KLHL20: variants seen among roughly 807,000 people sequenced by gnomAD.
The protein encoded by KLHL20 is kelch like family member 20.
KLHL20 carries 29 observed loss-of-function variants against 69.5 expected under a neutral mutation model. The observed-to-expected ratio is 0.42, with a 90% confidence interval of 0.31 to 0.57. KLHL20 has a LOEUF of 0.57. KLHL20 is among the 20% of genes least tolerant of loss of function. The probability of loss-of-function intolerance (pLI) is 0.18; values close to 1 mark genes in which losing one functional copy is unlikely to be tolerated. For missense variants in KLHL20, 419 were observed against 776.0 expected (o/e 0.54, Z 5.47); for synonymous variants, 253 against 265.2 (o/e 0.95, Z 0.45).
intron 11 of KLHL20, among the ~76,000 whole-genome samples, chr1:173,784,568 A>C (rs1260822394): frequency 1.3e-5 from 2 of 152,226 alleles, no homozygotes; most frequent in Non-Finnish European, 2.9e-5. Flanking sequence ...TTACATATCC[A>C]AGACTTAAAA....
At chr1:173,750,724 T>G (rs1387052812) in intron 3 of KLHL20, among the ~76,000 whole-genome samples, 2 of 151,924 alleles carry the variant, frequency 1.3e-5, no homozygotes, top group Non-Finnish European at 2.9e-5. Flanking sequence ...TTAGCTAATT[T>G]TTTTATTTTT....
chr1:173,767,451 G>A (rs1484310932), intron 8 of KLHL20, among the ~76,000 whole-genome samples: 4 of 151,914 alleles, frequency 2.6e-5, no homozygotes, highest in East Asian at 3.9e-4. Flanking sequence ...TTAATTTTTC[G>A]AGGAACCTCC....
intron 2 of KLHL20, among the ~76,000 whole-genome samples, chr1:173,723,909 C>A (rs866677305): frequency 6.6e-6 from 1 of 152,110 alleles, no homozygotes; most frequent in Non-Finnish European, 1.5e-5. Context: ...TTTGTAGTAA[C>A]CTGATAGGCT....
At chr1:173,750,882 A>G (rs977160816) in intron 3 of KLHL20, among the ~76,000 whole-genome samples, 1 of 152,192 alleles carries the variant, frequency 6.6e-6, no homozygotes, top group African/African-American at 2.4e-5. Context: ...TCTTAATAAA[A>G]TATTTAAATT....
chr1:173,765,179 A>C (rs1333916076), intron 7 of KLHL20, among the ~76,000 whole-genome samples: 4 of 152,190 alleles, frequency 2.6e-5, no homozygotes, highest in African/African-American at 4.8e-5. Flanking sequence ...ATATGTCTAC[A>C]AAAAGAGCAA....
intron 7 of KLHL20, among the ~76,000 whole-genome samples, chr1:173,760,475 A>G (rs1245768656): frequency 6.6e-6 from 1 of 152,214 alleles, no homozygotes; most frequent in Non-Finnish European, 1.5e-5. Flanking sequence ...ACAGAAGCAC[A>G]GGGTAACTTA....
chr1:173,748,492 A>G (rs1277073277), intron 3 of KLHL20, among the ~76,000 whole-genome samples: 4 of 152,188 alleles, frequency 2.6e-5, no homozygotes, highest in African/African-American at 9.6e-5. Flanking sequence ...TTATACTCAC[A>G]TTTAATTTCT....
intron 7 of KLHL20, among the ~76,000 whole-genome samples, chr1:173,759,109 T>G (rs900098062): frequency 1.9e-4 from 29 of 151,944 alleles, no homozygotes; most frequent in African/African-American, 6.8e-4. Context: ...GACTGCCGGC[T>G]TTCCCCCACT....
intron 3 of KLHL20, among the ~76,000 whole-genome samples, chr1:173,736,078 C>G (rs1672521711): frequency 6.6e-6 from 1 of 151,580 alleles, no homozygotes; most frequent in East Asian, 2.0e-4. Context: ...TCCCAAGTAG[C>G]TGGGACTATA....
chr1:173,769,124 A>G (rs543501642), intron 8 of KLHL20, among the ~76,000 whole-genome samples: 1 of 152,302 alleles, frequency 6.6e-6, no homozygotes, highest in East Asian at 1.9e-4. Context: ...TTTGGGTCAG[A>G]CAATTCTTTG....
chr1:173,732,994 C>T (rs1348152232), intron 2 of KLHL20, among the ~76,000 whole-genome samples: 3 of 144,352 alleles, frequency 2.1e-5, no homozygotes, highest in East Asian at 2.0e-4. Flanking sequence ...GAAAAGATTT[C>T]TATATAAAGA....
In KLHL20 at chr1:173,734,232, A is replaced by G. The variant is rs768256109; in HGVS notation, c.543A>G (p.Ser181=). 7 of 1,614,186 alleles carry G rather than the reference A, an allele frequency of 4.3e-6. No individual in the cohort carries two copies. Among genetic ancestry groups the G allele is most frequent in the Non-Finnish European group, 5.9e-6 (7 of 1,180,038 alleles). The part of the protein sequence containing the change: ...LGIRAFADTH[S]CRELLRIADK... ...TTCGGGCTTTTGCTGACACACATTC[A>G]TGTCGTGAGTTGCTAAGGATAGCAG... The change falls in exon 3 of 12, where the codon TCA becomes TCG. Residue 181 remains serine (S), a synonymous_variant. Transcript: ENST00000209884.
chr1:173,749,453 A>G (rs1388903910), intron 3 of KLHL20, among the ~76,000 whole-genome samples: 1 of 152,164 alleles, frequency 6.6e-6, no homozygotes. Context: ...AGATATTGTG[A>G]AGCATTATTT....
At chr1:173,749,395 C>T (rs891602592) in intron 3 of KLHL20, among the ~76,000 whole-genome samples, 2 of 152,134 alleles carry the variant, frequency 1.3e-5, no homozygotes, top group East Asian at 1.9e-4. Context: ...TTACCATAAT[C>T]GTGTGGGGCT....
At chr1:173,743,236 A>G (rs1672907407) in intron 3 of KLHL20, among the ~76,000 whole-genome samples, 1 of 152,022 alleles carries the variant, frequency 6.6e-6, no homozygotes, top group Non-Finnish European at 1.5e-5. Flanking sequence ...CTTATATTGG[A>G]AAAATACTAT....
At chr1:173,728,397 T>C (rs1403804780) in intron 2 of KLHL20, among the ~76,000 whole-genome samples, 3 of 152,160 alleles carry the variant, frequency 2.0e-5, no homozygotes, top group African/African-American at 7.2e-5. Context: ...GTGGACCTAA[T>C]AGACATCTAC....
chr1:173,751,055 G>A (rs565434868), intron 3 of KLHL20, among the ~76,000 whole-genome samples: 2 of 152,186 alleles, frequency 1.3e-5, no homozygotes, highest in East Asian at 1.9e-4. Flanking sequence ...AACAAACCAC[G>A]TGAAGGGTAG....
chr1:173,737,450 T>C (rs1267087992), intron 3 of KLHL20, among the ~76,000 whole-genome samples: 1 of 152,244 alleles, frequency 6.6e-6, no homozygotes, highest in Non-Finnish European at 1.5e-5. Context: ...GGCTTGCCAA[T>C]TATCCCAGCA....
chr1:173,775,070 T>C (rs1455093317), intron 9 of KLHL20, among the ~76,000 whole-genome samples: 1 of 152,132 alleles, frequency 6.6e-6, no homozygotes, highest in Non-Finnish European at 1.5e-5. Flanking sequence ...CTCAGCCTCC[T>C]AAAGTGCTGG....
Sources: allele counts gnomAD v4.1 joint callset (sites outside exome capture counted in the v4.1 genomes callset), GRCh38; gene constraint gnomAD v4.1.1; transcripts MANE v1.5; gene names NCBI Gene and HGNC (gene_info 2026-07-23, HGNC 2026-07-21).